VPS13B: variants seen among roughly 807,000 people sequenced by gnomAD.
VPS13B encodes the protein vacuolar protein sorting 13 homolog B, also known as intermembrane lipid transfer protein VPS13B.
A neutral mutation model predicts 426.4 loss-of-function variants in VPS13B; 285 were observed. The observed-to-expected ratio is 0.67, with a 90% CI of 0.61 to 0.74. VPS13B has a LOEUF of 0.74. Among genes scored for constraint, VPS13B ranks in the 30% least tolerant of loss-of-function variants. The pLI is 0.00. For missense variants in VPS13B, 4,537 were observed against 4,782.6 expected (o/e 0.95, Z 1.51); for synonymous variants, 1,676 against 1,676.4 (o/e 1.00, Z 0.01).
chr8:99,534,289 A>C (rs1823078282), intron 30 of VPS13B, among the ~76,000 whole-genome samples: 1 of 152,180 alleles, frequency 6.6e-6, no homozygotes, highest in Admixed American at 6.5e-5. Flanking sequence ...ATTTACTGCC[A>C]AAAGCTACCT....
intron 17 of VPS13B, among the ~76,000 whole-genome samples, chr8:99,237,930 G>A (rs191264477): frequency 4.1e-5 from 6 of 147,532 alleles, no homozygotes; most frequent in Admixed American, 2.7e-4. Flanking sequence ...AATGGCCTTC[G>A]TTTCTCCAAT....
chr8:99,544,816 T>C (rs1418520193), intron 30 of VPS13B, among the ~76,000 whole-genome samples: 1 of 152,162 alleles, frequency 6.6e-6, no homozygotes, highest in Non-Finnish European at 1.5e-5. Flanking sequence ...TAATAGGCCA[T>C]ATTAGTAGCT....
chr8:99,440,752 G>A (rs1230995561), intron 22 of VPS13B, among the ~76,000 whole-genome samples: 1 of 151,772 alleles, frequency 6.6e-6, no homozygotes, highest in South Asian at 2.1e-4. Flanking sequence ...GGAAATTTTG[G>A]CATGATTTGA....
intron 23 of VPS13B, among the ~76,000 whole-genome samples, chr8:99,450,530 T>C (rs1818137218): frequency 6.6e-6 from 1 of 152,072 alleles, no homozygotes; most frequent in Admixed American, 6.6e-5. Flanking sequence ...CTAGCCAACG[T>C]GGTGAAACCC....
intron 43 of VPS13B, among the ~76,000 whole-genome samples, chr8:99,804,770 T>C (rs1025542558): frequency 3.9e-5 from 6 of 152,066 alleles, no homozygotes; most frequent in Non-Finnish European, 5.9e-5. Context: ...GGGGGAAGAA[T>C]TGATTGAGGC....
chr8:99,539,262 T>G (rs929490165), intron 30 of VPS13B, among the ~76,000 whole-genome samples: 1 of 152,206 alleles, frequency 6.6e-6, no homozygotes, highest in African/African-American at 2.4e-5. Flanking sequence ...GCACATTCTT[T>G]TGCATTATCT....
rs2130972563 is a variant in VPS13B, at chr8:99,870,846, A to G, written c.11454A>G (p.Leu3818=). The change falls in exon 60 of 62, where the codon CTA becomes CTG. Residue 3818 remains leucine (L), a synonymous_variant. Coordinates refer to ENST00000357162, the MANE Select transcript of VPS13B (RefSeq NM_152564.5). ...LPKQRHQPSD[L]HADQAPNSHV... The stretch of plus-strand genomic sequence containing the variant: ...AACAGCGCCATCAGCCAAGTGATCT[A>G]CATGCTGACCAGGCTCCAAACAGCC... The G allele has an allele frequency of 6.2e-7, 1 of 1,614,230 alleles. No homozygotes were observed. Among genetic ancestry groups the G allele is most frequent in the Non-Finnish European group, 8.5e-7 (1 of 1,180,028 alleles).
intron 29 of VPS13B, among the ~76,000 whole-genome samples, chr8:99,512,464 A>G (rs547238363): frequency 2.0e-5 from 3 of 152,366 alleles, no homozygotes; most frequent in East Asian, 1.9e-4. Context: ...TTAAGTTTAC[A>G]TAGGTTAGAA....
At chr8:99,593,742 A>G (rs1286668918) in intron 33 of VPS13B, among the ~76,000 whole-genome samples, 1 of 152,036 alleles carries the variant, frequency 6.6e-6, no homozygotes, top group East Asian at 1.9e-4. Flanking sequence ...AAGGAACAAG[A>G]TCGTGTACTG....
intron 33 of VPS13B, among the ~76,000 whole-genome samples, chr8:99,620,986 CAA>C (rs397892235): frequency 0.068 from 3,429 of 50,584 alleles, 34 homozygotes; most frequent in African/African-American, 0.095. Context: ...AACTCCATCT[CAA>C]AAAAAAAAAA....
At chr8:99,586,701 G>A (rs1181206154) in intron 33 of VPS13B, among the ~76,000 whole-genome samples, 1 of 152,094 alleles carries the variant, frequency 6.6e-6, no homozygotes, top group African/African-American at 2.4e-5. Context: ...AACAAATGAA[G>A]AAACAGTCTA....
intron 19 of VPS13B, among the ~76,000 whole-genome samples, chr8:99,303,747 A>AAAAAAAT (rs1554719705): frequency 2.7e-5 from 4 of 150,726 alleles, no homozygotes; most frequent in Non-Finnish European, 4.4e-5. Context: ...AAAAAAAAAA[A>AAAAAAAT]AAAAGAATAT....
chr8:99,322,105 G>A (rs1378460390), intron 19 of VPS13B, among the ~76,000 whole-genome samples: 3 of 152,100 alleles, frequency 2.0e-5, no homozygotes, highest in Non-Finnish European at 4.4e-5. Flanking sequence ...TCCTTCAGAC[G>A]AGCAACCTTG....
chr8:99,310,906 T>C (rs575200979), intron 19 of VPS13B, among the ~76,000 whole-genome samples: 18 of 152,326 alleles, frequency 1.2e-4, no homozygotes, highest in African/African-American at 3.8e-4. Context: ...TTGGAGGGTG[T>C]ATGTGTTGAG....
At chr8:99,154,140 CTGTA>C (rs1811223311) in intron 14 of VPS13B, among the ~76,000 whole-genome samples, 1 of 147,522 alleles carries the variant, frequency 6.8e-6, no homozygotes, top group African/African-American at 2.5e-5. Flanking sequence ...AATGATGTGT[CTGTA>C]TGTAGGTTTT....
chr8:99,026,884 T>TC (rs1301554127), intron 2 of VPS13B, among the ~76,000 whole-genome samples: 1 of 152,032 alleles, frequency 6.6e-6, no homozygotes, highest in East Asian at 1.9e-4. Context: ...ATTTTTTTTT[T>TC]CCCCCGCTCC....
At chr8:99,274,546 T>A (rs2132996191) in intron 18 of VPS13B, among the ~76,000 whole-genome samples, 1 of 99,368 alleles carries the variant, frequency 1.0e-5, no homozygotes, top group Admixed American at 9.1e-5. Context: ...GTTTTATGAA[T>A]GGTTATGAGG....
intron 17 of VPS13B, among the ~76,000 whole-genome samples, chr8:99,196,175 A>G (rs973459810): frequency 2.6e-5 from 4 of 152,092 alleles, no homozygotes; most frequent in Non-Finnish European, 5.9e-5. Flanking sequence ...CTCCAAGTTC[A>G]TTAGCACAGA....
intron 28 of VPS13B, 52 bp downstream of exon 28, chr8:99,507,255 A>G: frequency 1.9e-6 from 3 of 1,566,582 alleles, no homozygotes; most frequent in Non-Finnish European, 2.6e-6. Context: ...TAAACTGTTT[A>G]TCTTGTTATT....
Sources: gnomAD v4.1 joint callset for allele counts (sites outside exome capture counted in the v4.1 genomes callset) on GRCh38, gnomAD v4.1.1 for gene constraint, MANE v1.5 for transcripts, NCBI Gene and HGNC (gene_info 2026-07-23, HGNC 2026-07-21) for gene names.